Variants in TAFA5 observed in about 807,000 individuals in gnomAD.
TAFA5 encodes the protein chemokine-like protein TAFA-5.
TAFA5 carries 6 observed loss-of-function variants against 15.3 expected under a neutral mutation model. The observed-to-expected ratio is 0.39, with a 90% CI of 0.21 to 0.77. The LOEUF (loss-of-function observed/expected upper bound fraction) is 0.77. Ranked by LOEUF, TAFA5 falls within the 30% of genes least tolerant of loss-of-function variation. The pLI, the probability that TAFA5 is intolerant of heterozygous loss-of-function variation, is 0.41. For synonymous variants in TAFA5, 103 were observed against 80.7 expected (o/e 1.28, Z -1.48); for missense variants, 161 against 193.1 (o/e 0.83, Z 0.98).
chr22:48,674,972 G>A lies in TAFA5; in HGVS notation c.262+28226G>A, dbSNP rs139426398. Among the ~76,000 whole-genome samples the A allele has an allele frequency of 6.4e-3, 963 of 149,778 alleles. 12 individuals are homozygous for A. Among genetic ancestry groups the A allele is most frequent in the African/African-American group, 0.022 (901 of 40,484 alleles). On this transcript the variant is annotated intron_variant, in intron 2 of 3. Coordinates refer to ENST00000402357, the MANE Select transcript of TAFA5 (RefSeq NM_001082967.3). The stretch of plus-strand genomic sequence containing the variant: ...TTTTTTTTTTTTGAGATGGAGTCTC[G>A]CTCTGTCACCCAGGCTTGGAGTGCA...
chr22:48,546,651 C>G, intron 1 of TAFA5: 1 of 467,064 alleles, frequency 2.1e-6, no homozygotes, highest in South Asian at 1.6e-5. Context: ...GAGTCCTCCT[C>G]CTACTTCCCA....
At chr22:48,625,217 G>A (rs1011422954) in intron 1 of TAFA5, among the ~76,000 whole-genome samples, 1 of 152,122 alleles carries the variant, frequency 6.6e-6, no homozygotes, top group Non-Finnish European at 1.5e-5. Context: ...AGCCTTCTTG[G>A]CCGACAGAGG....
chr22:48,585,047 C>T (rs1601596223), intron 1 of TAFA5, among the ~76,000 whole-genome samples: 1 of 1,892 alleles, frequency 5.3e-4, no homozygotes, highest in East Asian at 8.5e-3. Flanking sequence ...CACACGCACA[C>T]CACTCACAAA....
intron 3 of TAFA5, among the ~76,000 whole-genome samples, chr22:48,711,665 C>T (rs130157): frequency 0.69 from 105,279 of 152,120 alleles, 36,633 homozygotes; most frequent in Middle Eastern, 0.73. Flanking sequence ...TGGTTTTCTG[C>T]GAGATGATGG....
At chr22:48,623,512 C>T (rs138595588) in intron 1 of TAFA5, among the ~76,000 whole-genome samples, 383 of 152,104 alleles carry the variant, frequency 2.5e-3, no homozygotes, top group African/African-American at 8.8e-3. Context: ...GTCGGTATCA[C>T]CTTTTGAGCA....
intron 1 of TAFA5, among the ~76,000 whole-genome samples, chr22:48,536,438 G>A (rs1470454866): frequency 1.3e-5 from 2 of 152,246 alleles, no homozygotes; most frequent in Non-Finnish European, 2.9e-5. Flanking sequence ...TCAGCACCGG[G>A]AGCCGGCGCG....
chr22:48,731,572 C>G (rs1316568532), intron 3 of TAFA5, among the ~76,000 whole-genome samples: 1 of 152,192 alleles, frequency 6.6e-6, no homozygotes, highest in Non-Finnish European at 1.5e-5. Flanking sequence ...TCTGAAAACC[C>G]CAGGTCCTTG....
At chr22:48,564,253 C>T (rs948296255) in intron 1 of TAFA5, among the ~76,000 whole-genome samples, 1 of 152,264 alleles carries the variant, frequency 6.6e-6, no homozygotes, top group East Asian at 1.9e-4. Context: ...TGTGGCGGAA[C>T]AGGGACGCTC....
intron 2 of TAFA5, among the ~76,000 whole-genome samples, chr22:48,676,854 C>A (rs899894179): frequency 2.0e-5 from 3 of 152,220 alleles, no homozygotes; most frequent in African/African-American, 7.2e-5. Context: ...TGGGATGCTC[C>A]TTGGACTAAC....
intron 2 of TAFA5, among the ~76,000 whole-genome samples, chr22:48,706,581 G>A (rs748200273): frequency 3.3e-5 from 5 of 152,158 alleles, no homozygotes; most frequent in African/African-American, 4.8e-5. Context: ...CTAATCTCCC[G>A]CCATAGGGTT....
At chr22:48,535,860 C>T (rs192029690) in intron 1 of TAFA5, among the ~76,000 whole-genome samples, 33 of 147,752 alleles carry the variant, frequency 2.2e-4, no homozygotes, top group Middle Eastern at 4.0e-3. Flanking sequence ...ACGGTCACAC[C>T]GGCACATGTA....
chr22:48,522,568 G>A (rs1454170399), intron 1 of TAFA5, among the ~76,000 whole-genome samples: 3 of 152,178 alleles, frequency 2.0e-5, no homozygotes, highest in African/African-American at 7.2e-5. Flanking sequence ...GGCCAGGCAA[G>A]GTTAGGCCCC....
chr22:48,740,162 G>A (rs6010468), intron 3 of TAFA5, among the ~76,000 whole-genome samples: 4,227 of 152,214 alleles, frequency 0.028, 182 homozygotes, highest in African/African-American at 0.095. Flanking sequence ...ATGGATGCTC[G>A]AGGCTTTTCC....
chr22:48,727,794 A>G (rs1929754426), intron 3 of TAFA5, among the ~76,000 whole-genome samples: 1 of 152,264 alleles, frequency 6.6e-6, no homozygotes, highest in Admixed American at 6.5e-5. Context: ...GAGGTAAAAC[A>G]TTAAATTGGA....
intron 2 of TAFA5, among the ~76,000 whole-genome samples, chr22:48,691,569 G>T (rs567433740): frequency 6.6e-6 from 1 of 152,192 alleles, no homozygotes; most frequent in Non-Finnish European, 1.5e-5. Context: ...GCTCACAGTC[G>T]CAGTGGCATG....
chr22:48,574,812 G>A (rs540380925), intron 1 of TAFA5, among the ~76,000 whole-genome samples: 24 of 152,338 alleles, frequency 1.6e-4, no homozygotes, highest in African/African-American at 5.5e-4. Context: ...GGACACCTGT[G>A]CCCCCTGCTC....
intron 2 of TAFA5, among the ~76,000 whole-genome samples, chr22:48,694,957 C>G (rs527407252): frequency 6.6e-6 from 1 of 151,402 alleles, no homozygotes; most frequent in South Asian, 2.1e-4. Flanking sequence ...GAAACGGGAG[C>G]CCTGAGCCCT....
At chr22:48,713,013 G>C (rs1462706123) in intron 3 of TAFA5, among the ~76,000 whole-genome samples, 1 of 152,326 alleles carries the variant, frequency 6.6e-6, no homozygotes, top group African/African-American at 2.4e-5. Context: ...GCTCAGCCAC[G>C]TTTTTGTAGT....
At chr22:48,570,220 C>T (rs562822510) in intron 1 of TAFA5, among the ~76,000 whole-genome samples, 25 of 152,330 alleles carry the variant, frequency 1.6e-4, no homozygotes, top group Admixed American at 1.1e-3. Flanking sequence ...TGATCATGCC[C>T]GCTGAAAACA....
Sources: allele counts gnomAD v4.1 joint callset (sites outside exome capture counted in the v4.1 genomes callset), GRCh38; gene constraint gnomAD v4.1.1; transcripts MANE v1.5; gene names NCBI Gene and HGNC (gene_info 2026-07-23, HGNC 2026-07-21).